The following INPP4B variants were observed in gnomAD, a reference collection of about 807,000 sequenced individuals.
INPP4B encodes the protein inositol polyphosphate 4-phosphatase type II.
A neutral mutation model predicts 122.5 loss-of-function variants in INPP4B; 55 were observed. That is an observed-to-expected ratio of 0.45 (90% CI 0.36 to 0.56). The LOEUF (loss-of-function observed/expected upper bound fraction) is 0.56, where lower values mean the gene tolerates loss of function less well. Among genes scored for constraint, INPP4B ranks in the 20% least tolerant of loss-of-function variants. INPP4B has a pLI of 0.00. For missense variants in INPP4B, 1,000 were observed against 1,097.7 expected, an observed-to-expected ratio of 0.91 and a Z score of 1.26; for synonymous variants, 403 against 388.7, an observed-to-expected ratio of 1.04 and a Z score of -0.43.
intron 1 of INPP4B, among the ~76,000 whole-genome samples, chr4:142,783,961 T>A (rs535817254): frequency 6.6e-6 from 1 of 152,242 alleles, no homozygotes; most frequent in African/African-American, 2.4e-5. Flanking sequence ...TTAAGACTTT[T>A]CAATCTAAAA....
chr4:142,112,543 T>C lies in INPP4B; in HGVS notation c.2275A>G (p.Arg759Gly), dbSNP rs750912220. 1.2e-6 allele frequency: 2 copies of C among 1,612,822 alleles called. No individual in the cohort carries two copies. Among genetic ancestry groups the C allele is most frequent in the East Asian group, 4.5e-5 (2 of 44,778 alleles). Residue 759 changes from arginine to glycine, a missense_variant and splice_region_variant, in exon 22 of 26, where the codon AGG becomes GGG. Arg to Gly is a moderately radical substitution (Grantham distance 125, BLOSUM62 -2). Transcript: ENST00000262992. ...GINEQQTLAE[R>G]FGDVSLQESI... ...TGCGACTCTTACACCAAAGCTTACC[T>C]TTCAGCCAGAGTTTGCTGTTCATTG...
intron 14 of INPP4B, among the ~76,000 whole-genome samples, chr4:142,194,391 C>T (rs1837298193): frequency 6.6e-6 from 1 of 152,032 alleles, no homozygotes; most frequent in African/African-American, 2.4e-5. Flanking sequence ...GGGATTTTAA[C>T]CTAGGGCTAA....
At chr4:142,361,973 G>A (rs1174593549) in intron 7 of INPP4B, among the ~76,000 whole-genome samples, 2 of 151,870 alleles carry the variant, frequency 1.3e-5, no homozygotes, top group African/African-American at 4.8e-5. Flanking sequence ...GCTAGTTCCA[G>A]TAAGAAGGAC....
At chr4:142,638,396 A>AT (rs1236606918) in intron 2 of INPP4B, among the ~76,000 whole-genome samples, 17 of 152,040 alleles carry the variant, frequency 1.1e-4, no homozygotes. Context: ...GTCTAAAATA[A>AT]TTTTTTGCCT....
chr4:142,746,274 T>C (rs1370716107), intron 1 of INPP4B, among the ~76,000 whole-genome samples: 2 of 151,950 alleles, frequency 1.3e-5, no homozygotes, highest in Admixed American at 1.3e-4. Context: ...CATTCACAAT[T>C]GCTACAAACA....
At position 142,229,253 on chromosome 4, in the gene INPP4B, A is replaced by G. The variant is rs1461099006; in HGVS notation, c.836+8611T>C. On this transcript the variant is annotated intron_variant, in intron 12 of 25. Coordinates refer to ENST00000262992, the MANE Select transcript of INPP4B (RefSeq NM_001101669.3). Reference sequence around the variant, plus strand: ...GAACATCATATGACCATTACAAATCATACTGTAGGGAACCATTTGTGAAGG... The same window carrying G: ...GAACATCATATGACCATTACAAATCGTACTGTAGGGAACCATTTGTGAAGG... Among the ~76,000 whole-genome samples the G allele has an allele frequency of 4.6e-5, 7 of 152,214 alleles. No individual in the cohort carries two copies. The East Asian group carries it at 1.3e-3, about 29-fold the overall frequency.
At chr4:142,796,328 C>T (rs112704800) in intron 1 of INPP4B, among the ~76,000 whole-genome samples, 14 of 151,900 alleles carry the variant, frequency 9.2e-5, no homozygotes, top group African/African-American at 3.4e-4. Flanking sequence ...TAAAAATCAA[C>T]ATAAAAGGGA....
At chr4:142,453,921 G>C (rs775015162) in intron 3 of INPP4B, among the ~76,000 whole-genome samples, 1 of 152,118 alleles carries the variant, frequency 6.6e-6, no homozygotes, top group Non-Finnish European at 1.5e-5. Flanking sequence ...ATTTCTCTGA[G>C]CAACTCATGG....
chr4:142,392,316 G>A (rs1244223963), intron 7 of INPP4B, among the ~76,000 whole-genome samples: 3 of 152,126 alleles, frequency 2.0e-5, no homozygotes, highest in African/African-American at 7.2e-5. Context: ...TCTTATCTTT[G>A]AATATTTTTT....
intron 2 of INPP4B, among the ~76,000 whole-genome samples, chr4:142,519,835 C>T (rs922078918): frequency 6.6e-6 from 1 of 151,996 alleles, no homozygotes; most frequent in Non-Finnish European, 1.5e-5. Flanking sequence ...CTTTATATCA[C>T]TATATTTCCA....
chr4:142,637,330 A>T (rs1277664783), intron 2 of INPP4B, among the ~76,000 whole-genome samples: 1 of 152,064 alleles, frequency 6.6e-6, no homozygotes, highest in Non-Finnish European at 1.5e-5. Flanking sequence ...CCGCAAAAAA[A>T]TTGTCTATGT....
At chr4:142,431,936 T>C (rs1243887421) in intron 3 of INPP4B, among the ~76,000 whole-genome samples, 2 of 152,098 alleles carry the variant, frequency 1.3e-5, no homozygotes, top group Non-Finnish European at 2.9e-5. Context: ...TTTGCTGCTC[T>C]ACTTGATAAA....
At chr4:142,524,310 C>T (rs1365650270) in intron 2 of INPP4B, among the ~76,000 whole-genome samples, 1 of 152,082 alleles carries the variant, frequency 6.6e-6, no homozygotes, top group Admixed American at 6.5e-5. Context: ...ACATCCTCTC[C>T]AGCACCTGTT....
At chr4:142,808,168 A>G (rs1479491985) in intron 1 of INPP4B, among the ~76,000 whole-genome samples, 3 of 152,072 alleles carry the variant, frequency 2.0e-5, no homozygotes, top group African/African-American at 7.2e-5. Context: ...CACCAACTAG[A>G]TTCTTTCTTG....
intron 1 of INPP4B, among the ~76,000 whole-genome samples, chr4:142,752,467 CTTGAAAGT>C (rs1029980661): frequency 1.5e-4 from 23 of 152,234 alleles, no homozygotes; most frequent in African/African-American, 5.5e-4. Context: ...GTCCCTAAGG[CTTGAAAGT>C]ATGTGTCTTT....
chr4:142,223,040 T>TA (rs1850032488), intron 12 of INPP4B, among the ~76,000 whole-genome samples: 1 of 152,186 alleles, frequency 6.6e-6, no homozygotes. Context: ...AACCTCACAA[T>TA]AACCATGTGC....
intron 2 of INPP4B, among the ~76,000 whole-genome samples, chr4:142,491,675 C>A (rs1016856698): frequency 2.6e-5 from 4 of 151,762 alleles, no homozygotes; most frequent in Admixed American, 2.6e-4. Context: ...ACAAAATGGG[C>A]CAAGAGTGTG....
At chr4:142,132,213 C>T (rs958499710) in intron 18 of INPP4B, among the ~76,000 whole-genome samples, 8 of 151,926 alleles carry the variant, frequency 5.3e-5, no homozygotes, top group Non-Finnish European at 7.4e-5. Context: ...AACAACTCAA[C>T]ATTTTGTTAA....
intron 7 of INPP4B, among the ~76,000 whole-genome samples, chr4:142,348,340 C>T (rs1008977868): frequency 2.0e-5 from 3 of 151,978 alleles, no homozygotes; most frequent in Admixed American, 6.6e-5. Context: ...GTAAGGCATC[C>T]ACCATTCAGT....
Sources: gnomAD v4.1 joint callset for allele counts (sites outside exome capture counted in the v4.1 genomes callset) on GRCh38, gnomAD v4.1.1 for gene constraint, MANE v1.5 for transcripts, NCBI Gene and HGNC (gene_info 2026-07-23, HGNC 2026-07-21) for gene names.